Variants in C14orf39 observed in about 807,000 individuals in gnomAD.
The protein encoded by C14orf39 is protein SIX6OS1.
Under a neutral mutation model 85.6 loss-of-function variants are expected in C14orf39, and 66 were observed. The observed-to-expected ratio is 0.77, with a 90% CI of 0.63 to 0.95. C14orf39 has a LOEUF of 0.95. Among genes scored for constraint, C14orf39 ranks in the 40% least tolerant of loss-of-function variants. The pLI, the probability that C14orf39 is intolerant of heterozygous loss-of-function variation, is 0.00. For synonymous variants in C14orf39, 242 were observed against 214.0 expected (o/e 1.13, Z -1.14); for missense variants, 735 against 663.9 (o/e 1.11, Z -1.18).
At chr14:60,498,127 A>C (rs1893094786) in intron 2 of C14orf39, among the ~76,000 whole-genome samples, 1 of 152,144 alleles carries the variant, frequency 6.6e-6, no homozygotes, top group Non-Finnish European at 1.5e-5. Flanking sequence ...AATTTATTGT[A>C]ATGAAGCATG....
chr14:60,453,671 A>T (rs993859606), intron 16 of C14orf39, among the ~76,000 whole-genome samples: 1 of 151,304 alleles, frequency 6.6e-6, no homozygotes, highest in Admixed American at 6.6e-5. Flanking sequence ...TTTCGTTTTA[A>T]TTTATCATCA....
At chr14:60,446,679 A>AT (rs1890780640) in intron 16 of C14orf39, among the ~76,000 whole-genome samples, 1 of 152,206 alleles carries the variant, frequency 6.6e-6, no homozygotes, top group Non-Finnish European at 1.5e-5. Context: ...ATAAAAGGGA[A>AT]TCCCCCATAA....
At chr14:60,441,989 C>G in intron 17 of C14orf39, 85 bp downstream of exon 17, 1 of 821,836 alleles carries the variant, frequency 1.2e-6, no homozygotes, top group South Asian at 1.8e-5. Context: ...ATAAATTGAG[C>G]ACCTAAGAAA....
intron 11 of C14orf39, among the ~76,000 whole-genome samples, chr14:60,463,698 T>C (rs1161207803): frequency 3.3e-5 from 5 of 152,152 alleles, no homozygotes; most frequent in African/African-American, 1.2e-4. Context: ...GAGGGCTATC[T>C]TTGTGTTTGA....
Position 60,458,667 on chromosome 14 carries a change from A to G in C14orf39, c.1179+11T>C. 1 of 1,583,210 alleles carries G rather than the reference A, an allele frequency of 6.3e-7. No homozygotes were observed. Among genetic ancestry groups the G allele is most frequent in the Non-Finnish European group, 8.6e-7 (1 of 1,160,004 alleles). On this transcript the variant is annotated intron_variant, in intron 14 of 17. Coordinates refer to ENST00000321731, the MANE Select transcript of C14orf39 (RefSeq NM_174978.3). The stretch of plus-strand genomic sequence containing the variant: ...TTTGCTTAGAAATTAGAGATCAAAC[A>G]TTTGACTTACTTGTGAAGTACATTT...
intron 2 of C14orf39, among the ~76,000 whole-genome samples, chr14:60,497,392 C>T (rs1247621663): frequency 6.6e-6 from 1 of 151,992 alleles, no homozygotes; most frequent in Non-Finnish European, 1.5e-5. Flanking sequence ...AGGCCCAATG[C>T]ACACACACAC....
At chr14:60,503,533 C>T (rs1893170947) in intron 1 of C14orf39, among the ~76,000 whole-genome samples, 1 of 152,206 alleles carries the variant, frequency 6.6e-6, no homozygotes, top group Non-Finnish European at 1.5e-5. Context: ...AAACCTATCT[C>T]TGCCATTAAC....
intron 2 of C14orf39, chr14:60,496,445 G>A: frequency 3.6e-6 from 1 of 281,126 alleles, no homozygotes. Context: ...GACAGACTCT[G>A]CATCCAGCTT....
At chr14:60,446,125 C>T (rs576600462) in intron 16 of C14orf39, among the ~76,000 whole-genome samples, 24 of 152,180 alleles carry the variant, frequency 1.6e-4, no homozygotes, top group African/African-American at 5.3e-4. Flanking sequence ...GATCTAAAAT[C>T]GACACCCTAA....
chr14:60,470,328 G>C (rs1383994511), intron 7 of C14orf39, among the ~76,000 whole-genome samples: 1 of 151,816 alleles, frequency 6.6e-6, no homozygotes, highest in Non-Finnish European at 1.5e-5. Context: ...TGATAGAATA[G>C]TGACAGTTAA....
At chr14:60,462,859 T>A (rs1891593841) in intron 11 of C14orf39, among the ~76,000 whole-genome samples, 2 of 152,086 alleles carry the variant, frequency 1.3e-5, no homozygotes, top group African/African-American at 4.8e-5. Flanking sequence ...CCAATACAAT[T>A]CTTCTTTTTC....
At chr14:60,446,247 C>G (rs1332614910) in intron 16 of C14orf39, among the ~76,000 whole-genome samples, 3 of 151,960 alleles carry the variant, frequency 2.0e-5, no homozygotes. Flanking sequence ...CACAAAAAAC[C>G]CTTCAACAAA....
intron 2 of C14orf39, chr14:60,496,156 G>A: frequency 2.1e-6 from 1 of 479,338 alleles, no homozygotes; most frequent in Non-Finnish European, 4.2e-6. Flanking sequence ...AAGTTCTATA[G>A]AGTATCACAC....
chr14:60,495,831 C>A, intron 2 of C14orf39: 1 of 295,070 alleles, frequency 3.4e-6, no homozygotes, highest in South Asian at 3.5e-5. Context: ...TTGAGGTGTT[C>A]CATGGCTTCC....
In C14orf39 at chr14:60,469,546, T is replaced by C; in HGVS notation, c.662A>G (p.Asn221Ser). The change falls in exon 8 of 18, where the codon AAT (asparagine) becomes AGT (serine). Residue 221 changes from asparagine (N) to serine (S), a missense_variant. Asn to Ser is a conservative substitution (Grantham distance 46). Transcript: ENST00000321731. ...KEVDEMEIEI[N>S]YLNQQISRHN... ...CAAAATATATACCTGGTTTAAATAA[T>C]TAATTTCTATTTCCATTTCATCTAC... 1 of 1,425,324 alleles carries C rather than the reference T, an allele frequency of 7.0e-7. No homozygotes were observed. Among genetic ancestry groups the C allele is most frequent in the African/African-American group, 1.4e-5 (1 of 69,306 alleles). 88.3% of individuals were successfully genotyped at this position (1,425,324 alleles called of 1,614,324 possible).
At chr14:60,460,157 AT>A (rs1310402592) in intron 13 of C14orf39, among the ~76,000 whole-genome samples, 1 of 151,078 alleles carries the variant, frequency 6.6e-6, no homozygotes, top group Admixed American at 6.6e-5. Context: ...ATTGAAAAAA[AT>A]TTTAAGTTCC....
At chr14:60,445,702 C>G (rs907524203) in intron 16 of C14orf39, among the ~76,000 whole-genome samples, 2 of 152,130 alleles carry the variant, frequency 1.3e-5, no homozygotes, top group African/African-American at 2.4e-5. Context: ...CAGCTCTGCA[C>G]CAAATGGGCC....
chr14:60,514,704 T>C (rs1449201287), intron 1 of C14orf39, among the ~76,000 whole-genome samples: 1 of 152,224 alleles, frequency 6.6e-6, no homozygotes, highest in African/African-American at 2.4e-5. Flanking sequence ...AAGCAAAGTC[T>C]TCCTTGACCT....
rs143783525 is a variant in C14orf39, at chr14:60,455,592, G to C, written c.1359-447C>G. Among the ~76,000 whole-genome samples the C allele has an allele frequency of 3.5e-3, 525 of 152,168 alleles. 3 individuals are homozygous for C. The highest frequency in any genetic ancestry group is 0.012 in the African/African-American group (490 of 41,538). ...TGTTGATGAGAAGCCAGCCATTACA[G>C]TGATGTATAAGGAAGTTAAATTATA... On this transcript the variant is annotated intron_variant, in intron 15 of 17. Transcript: ENST00000321731.
Sources: allele counts gnomAD v4.1 joint callset (sites outside exome capture counted in the v4.1 genomes callset), GRCh38; gene constraint gnomAD v4.1.1; transcripts MANE v1.5; gene names NCBI Gene and HGNC (gene_info 2026-07-23, HGNC 2026-07-21).